Variants in PPM1D observed in about 807,000 individuals in gnomAD.
PPM1D encodes protein phosphatase 1D.
Under a neutral mutation model 58.3 loss-of-function variants are expected in PPM1D, and 52 were observed. The observed-to-expected ratio is 0.89, with a 90% CI of 0.71 to 1.12. The LOEUF is 1.12. Among genes scored for constraint, PPM1D ranks in the 50% most tolerant of loss-of-function variants. PPM1D has a pLI of 0.00. For synonymous variants in PPM1D, 278 were observed against 285.1 expected, an observed-to-expected ratio of 0.98 and a Z score of 0.25; for missense variants, 564 against 777.2, an observed-to-expected ratio of 0.73 and a Z score of 3.26.
intron 1 of PPM1D, among the ~76,000 whole-genome samples, chr17:60,601,887 G>A (rs1010515554): frequency 6.6e-6 from 1 of 152,138 alleles, no homozygotes; most frequent in African/African-American, 2.4e-5. Context: ...ATGCATCTTT[G>A]TTAGAGCAAA....
chr17:60,626,380 G>GT (rs1363546406), intron 2 of PPM1D, among the ~76,000 whole-genome samples: 3 of 149,638 alleles, frequency 2.0e-5, no homozygotes, highest in Admixed American at 1.3e-4. Context: ...TCAATGATGT[G>GT]TTTTTTTGGG....
intron 1 of PPM1D, among the ~76,000 whole-genome samples, chr17:60,606,615 A>G (rs1187041420): frequency 6.6e-6 from 1 of 152,056 alleles, no homozygotes; most frequent in African/African-American, 2.4e-5. Flanking sequence ...TTTTAAAATT[A>G]TAGCTTTTCT....
rs1317168587 is a variant in PPM1D at position 60,600,558 on chromosome 17, G to A, written c.144G>A (p.Pro48=). The part of the protein sequence containing the change: ...KPSPRRSLSQ[P]LPPRPSPAAL... ...CGCCGCGGCGGTCGCTGTCTCAGCC[G>A]TTGCCTCCGCGGCCGTCGCCGGCCG... The change falls in exon 1 of 6, where the codon CCG becomes CCA. Residue 48 remains proline, a synonymous_variant. Transcript: ENST00000305921. 6.4e-7 allele frequency: 1 copy of A among 1,553,048 alleles called. No individual in the cohort carries two copies. Among genetic ancestry groups the A allele is most frequent in the Non-Finnish European group, 8.7e-7 (1 of 1,148,792 alleles).
At chr17:60,619,209 G>A (rs1228210384) in intron 1 of PPM1D, among the ~76,000 whole-genome samples, 1 of 151,218 alleles carries the variant, frequency 6.6e-6, no homozygotes, top group Non-Finnish European at 1.5e-5. Flanking sequence ...GCACATGGCA[G>A]GATTTCCTTT....
intron 4 of PPM1D, among the ~76,000 whole-genome samples, chr17:60,652,381 C>T (rs140616994): frequency 1.7e-4 from 26 of 152,016 alleles, no homozygotes; most frequent in African/African-American, 6.3e-4. Flanking sequence ...TTTTCTTTAT[C>T]CATTCATGTA....
chr17:60,613,438 T>G (rs1484738183), intron 1 of PPM1D, among the ~76,000 whole-genome samples: 1 of 152,266 alleles, frequency 6.6e-6, no homozygotes, highest in Non-Finnish European at 1.5e-5. Flanking sequence ...CTTCTCCACT[T>G]ACTGAGAGTT....
At position 60,600,432 on chromosome 17, in the gene PPM1D, G is replaced by C; in HGVS notation, c.18G>C (p.Ser6=). The C allele has an allele frequency of 6.4e-7, 1 of 1,553,120 alleles. No individual in the cohort carries two copies. The highest frequency in any genetic ancestry group is 8.7e-7 in the Non-Finnish European group (1 of 1,148,566). The part of the protein sequence containing the change: MAGLY[S]LGVSVFSDQG... The stretch of plus-strand genomic sequence containing the variant: ...AGCCGGCCATGGCGGGGCTGTACTC[G>C]CTGGGAGTGAGCGTCTTCTCCGACC... Residue 6 remains serine, a synonymous_variant, in exon 1 of 6, where the codon TCG becomes TCC. Coordinates refer to ENST00000305921, the MANE Select transcript of PPM1D (RefSeq NM_003620.4).
At chr17:60,655,610 G>A (rs967703443) in intron 4 of PPM1D, among the ~76,000 whole-genome samples, 11 of 151,918 alleles carry the variant, frequency 7.2e-5, no homozygotes, top group Non-Finnish European at 1.6e-4. Flanking sequence ...ACCTCCCAAA[G>A]TACTGGGATT....
chr17:60,601,583 G>A (rs904570092), intron 1 of PPM1D, among the ~76,000 whole-genome samples: 3 of 152,012 alleles, frequency 2.0e-5, no homozygotes, highest in Non-Finnish European at 4.4e-5. Context: ...ATTCTGCTTG[G>A]GTTTTCTTTT....
rs2030167225 is a variant in PPM1D at position 60,600,216 on chromosome 17, C to T, written c.-199C>T. 9.1e-7 allele frequency: 1 copy of T among 1,093,016 alleles called. No homozygotes were observed. Among genetic ancestry groups the T allele is most frequent in the Non-Finnish European group, 1.3e-6 (1 of 794,584 alleles). The allele number at this position is 1,093,016 out of a possible 1,614,324, so 67.7% of individuals were successfully genotyped here. A position where few individuals can be genotyped will look rare whatever the true frequency, so the allele number is the denominator to read the frequency against. On this transcript the variant is annotated 5_prime_UTR_variant, in exon 1 of 6. Transcript: ENST00000305921. ...GCAGTGCGCAGGCGCAACTGCCTGGCTCTGCTCGCTCCGGCGCTCCGGCCC... is the reference window on the plus strand; with the variant it reads ...GCAGTGCGCAGGCGCAACTGCCTGGTTCTGCTCGCTCCGGCGCTCCGGCCC...
At position 60,600,214 on chromosome 17, in the gene PPM1D, G is replaced by A. The variant is rs2030167061; in HGVS notation, c.-201G>A. Reference sequence around the variant, plus strand: ...GCGCAGTGCGCAGGCGCAACTGCCTGGCTCTGCTCGCTCCGGCGCTCCGGC... The same window carrying A: ...GCGCAGTGCGCAGGCGCAACTGCCTAGCTCTGCTCGCTCCGGCGCTCCGGC... On this transcript the variant is annotated 5_prime_UTR_variant, in exon 1 of 6. Transcript: ENST00000305921. 5 of 1,066,026 alleles carry A rather than the reference G, an allele frequency of 4.7e-6. No individual in the cohort carries two copies. The South Asian group carries it at 8.4e-5, about 18-fold the overall frequency. The allele number at this position is 1,066,026 out of a possible 1,614,324, so 66.0% of individuals were successfully genotyped here. A position where few individuals can be genotyped will look rare whatever the true frequency, so the allele number is the denominator to read the frequency against.
At chr17:60,649,798 A>G (rs964941903) in intron 4 of PPM1D, among the ~76,000 whole-genome samples, 1 of 152,238 alleles carries the variant, frequency 6.6e-6, no homozygotes, top group Non-Finnish European at 1.5e-5. Flanking sequence ...TTACCATATT[A>G]TTATAAATAG....
In PPM1D at chr17:60,663,525, A is replaced by G. The variant is rs2031569363; in HGVS notation, c.1791A>G (p.Gln597=). Residue 597 remains glutamine (Q), a synonymous_variant, in exon 6 of 6, where the codon CAA becomes CAG. Transcript: ENST00000305921. ...AAATTGGAAATCCTTTACTTCATCAACACAGGAAAACTGTTTGTGTTTGCT... is the reference window on the plus strand; with the variant it reads ...AAATTGGAAATCCTTTACTTCATCAGCACAGGAAAACTGTTTGTGTTTGCT... ...QKKIGNPLLH[Q]HRKTVCVC is the part of the protein sequence containing the mutation. 3.7e-6 allele frequency: 6 copies of G among 1,610,060 alleles called. No homozygotes were observed. The highest frequency in any genetic ancestry group is 1.3e-5 in the African/African-American group (1 of 74,926).
intron 1 of PPM1D, among the ~76,000 whole-genome samples, chr17:60,614,545 T>TA (rs1478436224): frequency 6.6e-6 from 1 of 152,100 alleles, no homozygotes; most frequent in Non-Finnish European, 1.5e-5. Flanking sequence ...GATAAGGGAA[T>TA]AAAAGCAGGC....
intron 1 of PPM1D, among the ~76,000 whole-genome samples, chr17:60,603,620 GGGTGT>G (rs1450312785): frequency 6.6e-6 from 1 of 152,154 alleles, no homozygotes; most frequent in African/African-American, 2.4e-5. Flanking sequence ...GAAATTAGCC[GGGTGT>G]GGTGGTGCAT....
In PPM1D at chr17:60,611,699, G is replaced by T. The variant is rs373410742; in HGVS notation, c.472+10813G>T. On this transcript the variant is annotated intron_variant, in intron 1 of 5. Transcript: ENST00000305921. Reference sequence around the variant, plus strand: ...CTCCCAAAGCGCTGGGATTGTAGGTGTGAGCTGCCACGCCTGGCCCAAAAT... The same window carrying T: ...CTCCCAAAGCGCTGGGATTGTAGGTTTGAGCTGCCACGCCTGGCCCAAAAT... Among the ~76,000 whole-genome samples, 6 of 152,304 alleles carry T rather than the reference G, an allele frequency of 3.9e-5. No individual in the cohort carries two copies. In the East Asian group the frequency reaches 1.2e-3, roughly 29 times the overall value.
rs373609371 is a variant in PPM1D, at chr17:60,618,494, T to C, written c.473-5027T>C. On this transcript the variant is annotated intron_variant, in intron 1 of 5. Coordinates refer to ENST00000305921, the MANE Select transcript of PPM1D (RefSeq NM_003620.4). ...TTTAATTTGTGCGGTCTTGTAGTTA[T>C]GCAGCACTATCTCATTGTGGTTTTA... is the stretch of plus-strand genomic sequence containing the variant. Among the ~76,000 whole-genome samples, 14 of 152,360 alleles carry C rather than the reference T, an allele frequency of 9.2e-5. No homozygotes were observed. The East Asian group carries it at 2.5e-3, about 27-fold the overall frequency.
chr17:60,615,023 T>C (rs2030553800), intron 1 of PPM1D, among the ~76,000 whole-genome samples: 2 of 152,224 alleles, frequency 1.3e-5, no homozygotes, highest in Admixed American at 1.3e-4. Context: ...TGCACCAGGG[T>C]ATCCTTACCT....
chr17:60,663,268 A>C lies in PPM1D; in HGVS notation c.1534A>C (p.Asn512His). 1.2e-6 allele frequency: 2 copies of C among 1,614,206 alleles called. No homozygotes were observed. The highest frequency in any genetic ancestry group is 2.2e-5 in the East Asian group (1 of 44,890). Residue 512 changes from asparagine to histidine, a missense_variant, in exon 6 of 6, where the codon AAT (asparagine) becomes CAT (histidine). This residue lies in a region of PPM1D where 261 missense variants were observed against 270.1 expected (regional missense o/e 0.97). Transcript: ENST00000305921. ...NSTNTVMDQK[N>H]LKMSTPGQMK... ...AACAAACACTGTCATGGACCAAAAA[A>C]ATTTGAAGATGTCAACTCCTGGCCA...
Sources: gnomAD v4.1 joint callset for allele counts (sites outside exome capture counted in the v4.1 genomes callset) on GRCh38, gnomAD v4.1.1 for gene constraint, gnomAD v4.1.1 regional missense constraint, MANE v1.5 for transcripts, NCBI Gene and HGNC (gene_info 2026-07-23, HGNC 2026-07-21) for gene names.